Variants in MNAT1 observed in about 807,000 individuals in gnomAD.
The protein encoded by MNAT1 is CDK-activating kinase assembly factor MAT1.
Under a neutral mutation model 42.0 loss-of-function variants are expected in MNAT1, and 43 were observed. The observed-to-expected ratio is 1.02, with a 90% CI of 0.80 to 1.32. The LOEUF is 1.32. MNAT1 is among the 40% of genes most tolerant of loss of function. The probability of loss-of-function intolerance (pLI) is 0.00; values close to 1 mark genes in which losing one functional copy is unlikely to be tolerated. For missense variants in MNAT1, 306 were observed against 350.4 expected (o/e 0.87, Z 1.01); for synonymous variants, 118 against 120.0 (o/e 0.98, Z 0.11).
At chr14:60,883,396 G>A (rs1432440903) in intron 7 of MNAT1, among the ~76,000 whole-genome samples, 1 of 152,010 alleles carries the variant, frequency 6.6e-6, no homozygotes, top group Non-Finnish European at 1.5e-5. Flanking sequence ...TAGATGCATG[G>A]ATTTGTTTTG....
chr14:60,911,699 T>C (rs2035367777), intron 7 of MNAT1, among the ~76,000 whole-genome samples: 1 of 152,226 alleles, frequency 6.6e-6, no homozygotes, highest in African/African-American at 2.4e-5. Flanking sequence ...TTTGTTATAA[T>C]TTTTGTTCTT....
chr14:60,910,437 T>C (rs2035322671), intron 7 of MNAT1, among the ~76,000 whole-genome samples: 1 of 152,208 alleles, frequency 6.6e-6, no homozygotes, highest in Non-Finnish European at 1.5e-5. Flanking sequence ...TTTTTGTCCA[T>C]TCAGTATGAT....
At chr14:60,925,677 A>G (rs940877398) in intron 7 of MNAT1, among the ~76,000 whole-genome samples, 4 of 152,010 alleles carry the variant, frequency 2.6e-5, no homozygotes, top group Non-Finnish European at 4.4e-5. Flanking sequence ...TTACTGTATC[A>G]TCTGTTTATT....
At chr14:60,786,569 A>C (rs532303886) in intron 1 of MNAT1, among the ~76,000 whole-genome samples, 151 of 152,292 alleles carry the variant, frequency 9.9e-4, no homozygotes, top group South Asian at 1.5e-3. Context: ...GAAACTTTGA[A>C]ATGTTCATTT....
At chr14:60,869,185 A>G (rs2034275107) in intron 6 of MNAT1, among the ~76,000 whole-genome samples, 1 of 149,652 alleles carries the variant, frequency 6.7e-6, no homozygotes, top group South Asian at 2.1e-4. Context: ...ACACACTGCC[A>G]TGCCCAGCTA....
In MNAT1 at chr14:60,856,413, G is replaced by A. The variant is rs548183650; in HGVS notation, c.688-23301G>A. On this transcript the variant is annotated intron_variant, in intron 6 of 7. Transcript: ENST00000261245. ...GAAGACTGAGAGAGGTGAGAAAGCT[G>A]CAGGAGAAAAGTCTGAAGCTAGCAG... 1.3e-4 allele frequency among the ~76,000 whole-genome samples: 20 copies of A among 152,302 alleles called. No homozygotes were observed. In the East Asian group the frequency reaches 3.5e-3, roughly 26 times the overall value.
intron 6 of MNAT1, among the ~76,000 whole-genome samples, chr14:60,831,002 A>G (rs955683195): frequency 1.3e-5 from 2 of 151,768 alleles, no homozygotes; most frequent in African/African-American, 2.4e-5. Context: ...CTACACTAGA[A>G]GCTCTTCCCA....
chr14:60,771,539 C>T (rs1054614184), intron 1 of MNAT1, among the ~76,000 whole-genome samples: 4 of 152,144 alleles, frequency 2.6e-5, no homozygotes, highest in African/African-American at 4.8e-5. Flanking sequence ...CTTCTGTATT[C>T]TAAACTCTGT....
Position 60,911,966 on chromosome 14 carries a change from C to G in MNAT1, c.809+32131C>G, listed in dbSNP as rs371319933. 8.7e-3 allele frequency among the ~76,000 whole-genome samples: 1,326 copies of G among 151,870 alleles called. 6 individuals are homozygous for G. Among genetic ancestry groups the G allele is most frequent in the African/African-American group, 0.016 (660 of 41,406 alleles). On this transcript the variant is annotated intron_variant, in intron 7 of 7. Coordinates refer to ENST00000261245, the MANE Select transcript of MNAT1 (RefSeq NM_002431.4). The stretch of plus-strand genomic sequence containing the variant: ...ATTGTGTGGGAGTCTAAGTCTCTTT[C>G]TAGGTCTCTAAGGACTTGCTTTATG...
intron 5 of MNAT1, among the ~76,000 whole-genome samples, chr14:60,813,784 TG>T (rs2032630571): frequency 6.6e-6 from 1 of 152,206 alleles, no homozygotes; most frequent in African/African-American, 2.4e-5. Context: ...TATTGTAGTT[TG>T]TCTTACCCTT....
At chr14:60,820,340 C>G (rs2032845009) in intron 6 of MNAT1, among the ~76,000 whole-genome samples, 1 of 151,934 alleles carries the variant, frequency 6.6e-6, no homozygotes, top group South Asian at 2.1e-4. Flanking sequence ...TTTTAAGAGG[C>G]AAAGGACCGT....
chr14:60,811,417 C>T (rs1332472226), intron 4 of MNAT1, among the ~76,000 whole-genome samples: 2 of 151,034 alleles, frequency 1.3e-5, no homozygotes, highest in East Asian at 3.9e-4. Context: ...ATTCTCCTGC[C>T]TCAGCCTCCC....
At chr14:60,920,687 C>T (rs894717620) in intron 7 of MNAT1, among the ~76,000 whole-genome samples, 1 of 152,168 alleles carries the variant, frequency 6.6e-6, no homozygotes, top group Admixed American at 6.5e-5. Context: ...AAGTGATCCA[C>T]CTGCCTCAGC....
intron 7 of MNAT1, among the ~76,000 whole-genome samples, chr14:60,907,276 T>C (rs2035220209): frequency 1.3e-5 from 2 of 151,030 alleles, no homozygotes. Context: ...CTACTAAAAA[T>C]ACAAAAATTA....
chr14:60,827,493 G>A (rs1319450492), intron 6 of MNAT1, among the ~76,000 whole-genome samples: 12 of 152,156 alleles, frequency 7.9e-5, no homozygotes, highest in Admixed American at 4.6e-4. Flanking sequence ...ATACCCGTTC[G>A]TATCTGAAAA....
At chr14:60,907,333 T>G (rs1298443859) in intron 7 of MNAT1, among the ~76,000 whole-genome samples, 1 of 149,778 alleles carries the variant, frequency 6.7e-6, no homozygotes, top group East Asian at 2.0e-4. Context: ...CTCAGGAGGC[T>G]GAGGCAGGAG....
chr14:60,825,061 A>G (rs1226568360), intron 6 of MNAT1, among the ~76,000 whole-genome samples: 2 of 152,194 alleles, frequency 1.3e-5, no homozygotes, highest in Non-Finnish European at 2.9e-5. Flanking sequence ...TATTTACAAC[A>G]TATGTAACTA....
In MNAT1 at chr14:60,908,076, T is replaced by C. The variant is rs931286586; in HGVS notation, c.809+28241T>C. On this transcript the variant is annotated intron_variant, in intron 7 of 7. Coordinates refer to ENST00000261245, the MANE Select transcript of MNAT1 (RefSeq NM_002431.4). ...ACTATGTAAAAACAACCAATTTTAA[T>C]GCACTCATTGACAAATCTGCAGAAG... Among the ~76,000 whole-genome samples, 7 of 152,280 alleles carry C rather than the reference T, an allele frequency of 4.6e-5. No individual in the cohort carries two copies. The East Asian group carries it at 1.4e-3, about 29-fold the overall frequency.
intron 7 of MNAT1, among the ~76,000 whole-genome samples, chr14:60,938,425 T>G (rs564446785): frequency 2.6e-4 from 40 of 152,300 alleles, no homozygotes; most frequent in Admixed American, 1.0e-3. Context: ...TATTGAGAGT[T>G]TTTAGCATGA....
Sources: gnomAD v4.1 joint callset for allele counts (sites outside exome capture counted in the v4.1 genomes callset) on GRCh38, gnomAD v4.1.1 for gene constraint, MANE v1.5 for transcripts, NCBI Gene and HGNC (gene_info 2026-07-23, HGNC 2026-07-21) for gene names.